NIM1K: variants seen among roughly 807,000 people sequenced by gnomAD.
NIM1K encodes serine/threonine-protein kinase NIM1.
A neutral mutation model predicts 37.1 loss-of-function variants in NIM1K; 35 were observed. The observed-to-expected ratio is 0.94, with a 90% CI of 0.72 to 1.25. The LOEUF is 1.25. Among genes scored for constraint, NIM1K ranks in the 50% most tolerant of loss-of-function variants. NIM1K has a pLI of 0.00. For missense variants in NIM1K, 564 were observed against 548.0 expected (o/e 1.03, Z -0.29); for synonymous variants, 234 against 206.6 (o/e 1.13, Z -1.14).
chr5:43,194,326 C>T (rs1186442425), intron 1 of NIM1K, among the ~76,000 whole-genome samples: 1 of 152,118 alleles, frequency 6.6e-6, no homozygotes, highest in African/African-American at 2.4e-5. Context: ...GTTTGGTGTG[C>T]CATTGAATTT....
In NIM1K at chr5:43,223,138, C is replaced by CAAAAAAAA. The variant is rs35802290; in HGVS notation, c.-694-21929_-694-21922dup. On this transcript the variant is annotated intron_variant, in intron 1 of 3. Transcript: ENST00000326035. ...GTGGCAACAGAGCGAGACTCCATCT[C>CAAAAAAAA]AAAAAAAAAAAAAAAAAAAAAAGTT... 1.6e-4 allele frequency among the ~76,000 whole-genome samples: 14 copies of CAAAAAAAA among 85,784 alleles called. No individual in the cohort carries two copies. In the Admixed American group the frequency reaches 1.7e-3, roughly 10 times the overall value. The allele number at this position is 85,784 out of a possible 152,430, so 56.3% of individuals were successfully genotyped here.
chr5:43,237,392 T>A (rs1042703366), intron 1 of NIM1K, among the ~76,000 whole-genome samples: 2 of 152,238 alleles, frequency 1.3e-5, no homozygotes, highest in African/African-American at 4.8e-5. Context: ...GAGGCTTTGA[T>A]CTGCAGTGAT....
chr5:43,273,296 T>C (rs1425116189), intron 2 of NIM1K, among the ~76,000 whole-genome samples: 2 of 151,718 alleles, frequency 1.3e-5, no homozygotes, highest in Non-Finnish European at 1.5e-5. Context: ...CTCTGCCCCC[T>C]GGGTTCAAGC....
intron 2 of NIM1K, among the ~76,000 whole-genome samples, chr5:43,252,387 A>T (rs1311989425): frequency 6.6e-6 from 1 of 152,108 alleles, no homozygotes; most frequent in Non-Finnish European, 1.5e-5. Context: ...GTATGTGCAA[A>T]AAGGGACAGG....
chr5:43,247,917 C>G (rs1300972031), intron 2 of NIM1K, among the ~76,000 whole-genome samples: 1 of 152,028 alleles, frequency 6.6e-6, no homozygotes, highest in Non-Finnish European at 1.5e-5. Context: ...CTATATTAGG[C>G]CTTGGGGGAT....
intron 2 of NIM1K, among the ~76,000 whole-genome samples, chr5:43,257,023 C>T (rs1561089266): frequency 6.6e-6 from 1 of 152,000 alleles, no homozygotes; most frequent in African/African-American, 2.4e-5. Context: ...TATGGAATCA[C>T]CAAGGAGGTG....
chr5:43,227,229 G>T (rs549271837), intron 1 of NIM1K, among the ~76,000 whole-genome samples: 1 of 152,054 alleles, frequency 6.6e-6, no homozygotes, highest in Non-Finnish European at 1.5e-5. Flanking sequence ...GCATGGTGGC[G>T]CATGCTGGTA....
intron 1 of NIM1K, among the ~76,000 whole-genome samples, chr5:43,208,819 G>A (rs1752156876): frequency 6.6e-6 from 1 of 152,130 alleles, no homozygotes; most frequent in African/African-American, 2.4e-5. Flanking sequence ...GACTAGAGAT[G>A]GTTGGAATCC....
At chr5:43,256,274 G>T (rs112938841) in intron 2 of NIM1K, among the ~76,000 whole-genome samples, 1 of 152,110 alleles carries the variant, frequency 6.6e-6, no homozygotes, top group African/African-American at 2.4e-5. Context: ...AAGAGATGAA[G>T]GTGGTTTGGA....
intron 1 of NIM1K, among the ~76,000 whole-genome samples, chr5:43,204,181 G>T (rs985642477): frequency 6.8e-6 from 1 of 147,740 alleles, no homozygotes; most frequent in African/African-American, 2.5e-5. Flanking sequence ...GCTTCCTGGG[G>T]GGTTCAAGAG....
At chr5:43,268,733 T>C (rs73096607) in intron 2 of NIM1K, among the ~76,000 whole-genome samples, 4,879 of 152,232 alleles carry the variant, frequency 0.032, 294 homozygotes, top group African/African-American at 0.11. Flanking sequence ...GTCTGGTGGT[T>C]TCTCATTAGC....
intron 1 of NIM1K, among the ~76,000 whole-genome samples, chr5:43,214,347 G>C (rs1752267225): frequency 6.6e-6 from 1 of 152,034 alleles, no homozygotes; most frequent in Non-Finnish European, 1.5e-5. Context: ...AGTATACATG[G>C]TAAACTTGAA....
At chr5:43,260,458 T>C (rs1163033870) in intron 2 of NIM1K, among the ~76,000 whole-genome samples, 3 of 152,220 alleles carry the variant, frequency 2.0e-5, no homozygotes, top group African/African-American at 7.2e-5. Flanking sequence ...GGTTTTGTCA[T>C]GACATTGTTT....
intron 2 of NIM1K, among the ~76,000 whole-genome samples, chr5:43,258,421 C>G (rs1438398304): frequency 6.6e-6 from 1 of 151,274 alleles, no homozygotes; most frequent in Non-Finnish European, 1.5e-5. Flanking sequence ...TGTGAACATT[C>G]TAGTACAAGC....
chr5:43,248,050 A>G (rs1199395053), intron 2 of NIM1K, among the ~76,000 whole-genome samples: 1 of 152,224 alleles, frequency 6.6e-6, no homozygotes, highest in Middle Eastern at 3.2e-3. Flanking sequence ...AGCTTAAAGG[A>G]AGGAAAGAGA....
chr5:43,215,421 C>A (rs1279547237), intron 1 of NIM1K, among the ~76,000 whole-genome samples: 2 of 152,092 alleles, frequency 1.3e-5, no homozygotes, highest in Admixed American at 6.6e-5. Context: ...AAAGGCTTAG[C>A]CAGCAAAAGG....
intron 1 of NIM1K, among the ~76,000 whole-genome samples, chr5:43,198,303 A>C (rs1217196552): frequency 2.9e-4 from 28 of 97,010 alleles, no homozygotes; most frequent in Non-Finnish European, 3.8e-4. Context: ...TTCCTTCCTT[A>C]CTTCCTTCCT....
chr5:43,269,234 C>A (rs149043819), intron 2 of NIM1K, among the ~76,000 whole-genome samples: 1 of 133,960 alleles, frequency 7.5e-6, no homozygotes, highest in African/African-American at 2.8e-5. Context: ...TGCTTGTACC[C>A]GGGAGGCAGA....
At chr5:43,239,387 G>A (rs946418256) in intron 1 of NIM1K, among the ~76,000 whole-genome samples, 9 of 151,796 alleles carry the variant, frequency 5.9e-5, no homozygotes, top group Non-Finnish European at 1.3e-4. Flanking sequence ...ACAGGTGCCC[G>A]CCACCATGCC....
Sources: gnomAD v4.1 joint callset for allele counts (sites outside exome capture counted in the v4.1 genomes callset) on GRCh38, gnomAD v4.1.1 for gene constraint, MANE v1.5 for transcripts, NCBI Gene and HGNC (gene_info 2026-07-23, HGNC 2026-07-21) for gene names.